The following DLG1 variants were observed in gnomAD, a reference collection of about 807,000 sequenced individuals.
The protein encoded by DLG1 is discs large MAGUK scaffold protein 1, also known as disks large homolog 1.
In DLG1, 42 loss-of-function variants were observed where a neutral mutation model predicts 123.4. That is an observed-to-expected ratio of 0.34 (90% CI 0.27 to 0.44). DLG1 has a LOEUF of 0.44. Among genes scored for constraint, DLG1 ranks in the 20% least tolerant of loss-of-function variants. DLG1 has a pLI of 1.00. For synonymous variants in DLG1, 317 were observed against 356.2 expected, an observed-to-expected ratio of 0.89 and a Z score of 1.24; for missense variants, 942 against 1,082.6, an observed-to-expected ratio of 0.87 and a Z score of 1.82.
intron 4 of DLG1, among the ~76,000 whole-genome samples, chr3:197,200,127 C>T (rs562852919): frequency 2.0e-3 from 298 of 152,106 alleles, no homozygotes; most frequent in African/African-American, 6.9e-3. Flanking sequence ...TCTTTAGAAA[C>T]AATTTTCTGA....
intron 22 of DLG1, among the ~76,000 whole-genome samples, chr3:197,065,058 A>G (rs1023716607): frequency 6.6e-6 from 1 of 151,278 alleles, no homozygotes; most frequent in Non-Finnish European, 1.5e-5. Flanking sequence ...CTTCTCTTAC[A>G]TTCATGTTAT....
Position 197,081,070 on chromosome 3 carries a change from G to A in DLG1, c.1886C>T (p.Ser629Phe), listed in dbSNP as rs773970168. The change falls in exon 17 of 25, where the codon TCT (serine) becomes TTT (phenylalanine). Residue 629 changes from serine (S) to phenylalanine (F), a missense_variant. Physicochemically the swap from Ser to Phe is radical, Grantham distance 155 (BLOSUM62 -2). Coordinates refer to ENST00000667157, the MANE Select transcript of DLG1 (RefSeq NM_001366207.1). ...ACTCACCCCTTTATCTCTCGTTTTA[G>A]AATTGAATTTCACTGTTTTTAATCG... ...RARLKTVKFNSKTRDKGQSFN... is the reference protein window; with the variant it reads ...RARLKTVKFNFKTRDKGQSFN... 1 of 1,613,236 alleles carries A rather than the reference G, an allele frequency of 6.2e-7. No homozygotes were observed. Among genetic ancestry groups the A allele is most frequent in the Non-Finnish European group, 8.5e-7 (1 of 1,179,530 alleles).
At chr3:197,075,222 G>C (rs906901977) in intron 18 of DLG1, among the ~76,000 whole-genome samples, 2 of 139,160 alleles carry the variant, frequency 1.4e-5, no homozygotes, top group African/African-American at 5.3e-5. Context: ...AATTAAACAA[G>C]AACAGCAGCA....
intron 4 of DLG1, among the ~76,000 whole-genome samples, chr3:197,277,072 TG>T (rs920364167): frequency 6.6e-6 from 1 of 151,922 alleles, no homozygotes; most frequent in African/African-American, 2.4e-5. Context: ...TTGCATTTTT[TG>T]TAGAGATGGA....
chr3:197,142,145 T>C (rs745577079), intron 7 of DLG1, among the ~76,000 whole-genome samples: 4 of 152,214 alleles, frequency 2.6e-5, no homozygotes, highest in Non-Finnish European at 4.4e-5. Flanking sequence ...GAAAAGAAAA[T>C]TGATATAATG....
chr3:197,135,457 T>C lies in DLG1; in HGVS notation c.1020+1085A>G, dbSNP rs114528307. 3.9e-3 allele frequency among the ~76,000 whole-genome samples: 591 copies of C among 152,330 alleles called. 4 individuals carry two copies. The highest frequency in any genetic ancestry group is 0.013 in the African/African-American group (522 of 41,576). On this transcript the variant is annotated intron_variant, in intron 10 of 24. Coordinates refer to ENST00000667157, the MANE Select transcript of DLG1 (RefSeq NM_001366207.1). ...GCTGGCATGTGAAGAAGGGCGTGTT[T>C]GCTTTCCCCCACCCTCCACCATGAC...
intron 4 of DLG1, among the ~76,000 whole-genome samples, chr3:197,264,628 T>A (rs144104127): frequency 7.9e-5 from 12 of 152,110 alleles, no homozygotes. Flanking sequence ...GGTTTTGACA[T>A]GTTGGCCAGG....
At chr3:197,298,632 G>A (rs1249465866), upstream of DLG1, 2 of 339,014 alleles carry the variant, frequency 5.9e-6, no homozygotes, top group East Asian at 4.4e-5. Flanking sequence ...CCGGGGAAAA[G>A]CCGCCTTAAG....
intron 4 of DLG1, among the ~76,000 whole-genome samples, chr3:197,234,243 G>A (rs988651967): frequency 1.3e-5 from 2 of 152,210 alleles, no homozygotes; most frequent in African/African-American, 4.8e-5. Flanking sequence ...TCCCTGTCCA[G>A]TTCTAATACA....
intron 4 of DLG1, among the ~76,000 whole-genome samples, chr3:197,197,251 G>GT (rs1042749267): frequency 6.6e-6 from 1 of 152,160 alleles, no homozygotes; most frequent in Non-Finnish European, 1.5e-5. Flanking sequence ...AGTCCTTTTG[G>GT]TAAGACTACA....
intron 23 of DLG1, among the ~76,000 whole-genome samples, chr3:197,058,672 T>C (rs1733586289): frequency 1.3e-5 from 2 of 152,372 alleles, no homozygotes; most frequent in South Asian, 4.1e-4. Context: ...CATGTGTCTC[T>C]TGCAGATGAT....
chr3:197,143,297 G>C (rs1345621134), intron 6 of DLG1, among the ~76,000 whole-genome samples: 1 of 73,478 alleles, frequency 1.4e-5, no homozygotes, highest in Non-Finnish European at 3.0e-5. Context: ...CTGTTGCCCA[G>C]GCTGGAGTGC....
At chr3:197,172,181 G>A (rs907579508) in intron 5 of DLG1, among the ~76,000 whole-genome samples, 1 of 152,058 alleles carries the variant, frequency 6.6e-6, no homozygotes, top group Non-Finnish European at 1.5e-5. Context: ...TGATGTCATA[G>A]CCATTGTAAT....
intron 4 of DLG1, among the ~76,000 whole-genome samples, chr3:197,259,039 G>A (rs1758157309): frequency 6.6e-6 from 1 of 152,088 alleles, no homozygotes; most frequent in Admixed American, 6.6e-5. Flanking sequence ...AAGGAAGATG[G>A]AGCAGAGAGA....
At chr3:197,256,190 C>A (rs1756801507) in intron 4 of DLG1, among the ~76,000 whole-genome samples, 1 of 152,150 alleles carries the variant, frequency 6.6e-6, no homozygotes, top group South Asian at 2.1e-4. Context: ...TCATCTGGGG[C>A]AGGGGTTAGC....
chr3:197,242,929 C>A (rs1749700584), intron 4 of DLG1, among the ~76,000 whole-genome samples: 1 of 152,066 alleles, frequency 6.6e-6, no homozygotes, highest in Non-Finnish European at 1.5e-5. Context: ...TGCCTGTAGT[C>A]CCAGCTGCTT....
chr3:197,263,482 C>T (rs551407107), intron 4 of DLG1, among the ~76,000 whole-genome samples: 1 of 152,098 alleles, frequency 6.6e-6, no homozygotes, highest in Non-Finnish European at 1.5e-5. Flanking sequence ...TCCAACAGGA[C>T]AAGACTCAAG....
intron 7 of DLG1, among the ~76,000 whole-genome samples, chr3:197,142,273 AG>A (rs895461868): frequency 6.6e-6 from 1 of 152,182 alleles, no homozygotes; most frequent in African/African-American, 2.4e-5. Flanking sequence ...CACAATCTAG[AG>A]GGGTCTAAGG....
intron 15 of DLG1, among the ~76,000 whole-genome samples, chr3:197,088,648 A>G (rs947121142): frequency 1.3e-5 from 2 of 152,260 alleles, no homozygotes; most frequent in African/African-American, 4.8e-5. Context: ...GCACGTTTAC[A>G]GAGGAACTAG....
Sources: allele counts gnomAD v4.1 joint callset (sites outside exome capture counted in the v4.1 genomes callset), GRCh38; gene constraint gnomAD v4.1.1; transcripts MANE v1.5; gene names NCBI Gene and HGNC (gene_info 2026-07-23, HGNC 2026-07-21).